Variants in REV1 observed in about 807,000 individuals in gnomAD.
The protein encoded by REV1 is translesion synthesis protein REV1.
REV1 carries 42 observed loss-of-function variants against 137.4 expected under a neutral mutation model. The observed-to-expected ratio is 0.31, with a 90% CI of 0.24 to 0.40. REV1 has a LOEUF of 0.40. Among genes scored for constraint, REV1 ranks in the 10% least tolerant of loss-of-function variants. The pLI is 1.00. For synonymous variants in REV1, 524 were observed against 519.2 expected, an observed-to-expected ratio of 1.01 and a Z score of -0.12; for missense variants, 1,282 against 1,490.1, an observed-to-expected ratio of 0.86 and a Z score of 2.30.
intron 1 of REV1, among the ~76,000 whole-genome samples, chr2:99,489,552 C>T (rs1003545496): frequency 2.3e-4 from 34 of 148,242 alleles, no homozygotes; most frequent in Non-Finnish European, 3.8e-4. Flanking sequence ...GGCGCGGGGC[C>T]GGCCGCGCCA....
At chr2:99,429,282 T>C (rs1679804505) in intron 9 of REV1, among the ~76,000 whole-genome samples, 1 of 152,176 alleles carries the variant, frequency 6.6e-6, no homozygotes, top group Admixed American at 6.5e-5. Context: ...CAGCCAATTA[T>C]AATTATGGTT....
chr2:99,420,636 T>G (rs1678534380), intron 11 of REV1, among the ~76,000 whole-genome samples: 1 of 152,234 alleles, frequency 6.6e-6, no homozygotes, highest in Admixed American at 6.5e-5. Context: ...AGTAACAAAT[T>G]CTTCTTTCAA....
chr2:99,452,734 T>C (rs1196387514), intron 3 of REV1, among the ~76,000 whole-genome samples: 4 of 152,222 alleles, frequency 2.6e-5, no homozygotes, highest in Admixed American at 2.0e-4. Flanking sequence ...ACATCCTCAA[T>C]GCATCCCAGA....
intron 9 of REV1, among the ~76,000 whole-genome samples, chr2:99,426,478 T>A (rs540942410): frequency 6.6e-6 from 1 of 152,174 alleles, no homozygotes; most frequent in African/African-American, 2.4e-5. Context: ...ATATAGTACA[T>A]CTACTTATGT....
chr2:99,421,029 A>G (rs1678588331), intron 11 of REV1, among the ~76,000 whole-genome samples: 1 of 152,212 alleles, frequency 6.6e-6, no homozygotes, highest in South Asian at 2.1e-4. Flanking sequence ...GTTTAAAGAC[A>G]GCATGGATGG....
chr2:99,406,112 A>G lies in REV1; in HGVS notation c.2615-6T>C. 6.2e-7 allele frequency: 1 copy of G among 1,605,618 alleles called. No individual in the cohort carries two copies. On this transcript the variant is annotated splice_region_variant and splice_polypyrimidine_tract_variant and intron_variant, in intron 16 of 22. Coordinates refer to ENST00000258428, the MANE Select transcript of REV1 (RefSeq NM_016316.4). The stretch of plus-strand genomic sequence containing the variant: ...ATCCACAGCAGCCCGAAATACTACA[A>G]AAAGAAAATATATAAAATAGCCTCT...
rs1675641073 is a variant in REV1 at position 99,402,664 on chromosome 2, T to G, written c.3521A>C (p.Glu1174Ala). 2 of 1,613,880 alleles carry G rather than the reference T, an allele frequency of 1.2e-6. No homozygotes were observed. Residue 1174 changes from glutamate (E) to alanine (A), a missense_variant, in exon 21 of 23, where the codon GAA becomes GCA. Glu to Ala is a moderately radical substitution (Grantham distance 107). This residue lies in a region of REV1 where 170 missense variants were observed against 156.8 expected (regional missense o/e 1.08). Coordinates refer to ENST00000258428, the MANE Select transcript of REV1 (RefSeq NM_016316.4). ...EFNDVKTLLR[E>A]WITTISDPME... ...CCAACCTGAAATTGTAGTTATCCAT[T>G]CTCTGAGCAAGGTCTTCACATCATT...
At chr2:99,468,858 A>G (rs1345307744) in intron 1 of REV1, among the ~76,000 whole-genome samples, 1 of 152,128 alleles carries the variant, frequency 6.6e-6, no homozygotes, top group Non-Finnish European at 1.5e-5. Context: ...CAGTCTACAG[A>G]GTGAAAATCG....
chr2:99,407,689 T>G (rs912919554), intron 15 of REV1, among the ~76,000 whole-genome samples: 12 of 152,150 alleles, frequency 7.9e-5, no homozygotes, highest in African/African-American at 2.9e-4. Flanking sequence ...TGTTTCTGAT[T>G]AAAAAGGAAC....
chr2:99,418,370 C>G (rs1008798469), intron 12 of REV1, among the ~76,000 whole-genome samples: 1 of 152,148 alleles, frequency 6.6e-6, no homozygotes, highest in Admixed American at 6.5e-5. Flanking sequence ...TTTCCTAATA[C>G]AGCTCACACA....
chr2:99,403,839 G>C, intron 18 of REV1, 24 bp from the exon 19 acceptor site: 2 of 1,612,826 alleles, frequency 1.2e-6, no homozygotes, highest in South Asian at 1.1e-5. Context: ...CGAGGTCAAA[G>C]TCAAACCTGA....
In REV1 at chr2:99,401,201, TGGC is replaced by T; in HGVS notation, c.*37_*39del. The T allele has an allele frequency of 4.8e-6, 6 of 1,259,698 alleles. No homozygotes were observed. The highest frequency in any genetic ancestry group is 7.0e-6 in the Non-Finnish European group (6 of 858,822). The allele number at this position is 1,259,698 out of a possible 1,614,324, so 78.0% of individuals were successfully genotyped here. A position where few individuals can be genotyped will look rare whatever the true frequency, so the allele number is the denominator to read the frequency against. The stretch of plus-strand genomic sequence containing the variant: ...TTTGCAAATACCTCACAAGCACTTA[TGGC>T]ACAGCTATCAGAGAGCATCAGGCTC... On this transcript the variant is annotated 3_prime_UTR_variant, in exon 23 of 23. Coordinates refer to ENST00000258428, the MANE Select transcript of REV1 (RefSeq NM_016316.4).
chr2:99,442,178 G>C, intron 5 of REV1, 139 bp downstream of exon 5: 1 of 702,450 alleles, frequency 1.4e-6, no homozygotes, highest in East Asian at 3.0e-5. Context: ...CTTGAACCTG[G>C]GAGGCAGAGG....
rs372495457 is a variant in REV1 at position 99,455,185 on chromosome 2, AAAG to A, written c.182-5684_182-5682del. 1.4e-4 allele frequency among the ~76,000 whole-genome samples: 21 copies of A among 152,384 alleles called. No homozygotes were observed. The South Asian group carries it at 3.7e-3, about 27-fold the overall frequency. ...GTTGACTGTGCTATATAAATCACAG[AAAG>A]AAGTGAGGTGAATGGCTGCTTATAC... On this transcript the variant is annotated intron_variant, in intron 3 of 22. Transcript: ENST00000258428.
chr2:99,462,825 C>T (rs536062255), intron 2 of REV1: 9 of 459,254 alleles, frequency 2.0e-5, no homozygotes, highest in Non-Finnish European at 2.6e-5. Flanking sequence ...CAGTGGCTCA[C>T]ACCTGTAATC....
chr2:99,421,832 T>C (rs1303940644), intron 10 of REV1, among the ~76,000 whole-genome samples, 179 bp from the exon 11 acceptor site: 3 of 152,238 alleles, frequency 2.0e-5, no homozygotes, highest in Non-Finnish European at 4.4e-5. Flanking sequence ...AATTAGTGTG[T>C]TCTCTTTCTC....
At chr2:99,472,919 T>C (rs945971195) in intron 1 of REV1, among the ~76,000 whole-genome samples, 1 of 152,236 alleles carries the variant, frequency 6.6e-6, no homozygotes, top group Admixed American at 6.5e-5. Context: ...TACAGCTGTT[T>C]GTGGGTTTTG....
chr2:99,435,257 C>CT (rs1680593582), intron 7 of REV1, among the ~76,000 whole-genome samples: 1 of 152,156 alleles, frequency 6.6e-6, no homozygotes, highest in African/African-American at 2.4e-5. Context: ...GAAGAAAACA[C>CT]TAAGTTATCT....
intron 22 of REV1, 24 bp downstream of exon 22, chr2:99,402,220 T>C: frequency 9.9e-7 from 1 of 1,012,476 alleles, no homozygotes. Flanking sequence ...TTTTTCCCAT[T>C]TGATAAAAGT....
Sources: allele counts gnomAD v4.1 joint callset (sites outside exome capture counted in the v4.1 genomes callset), GRCh38; gene constraint gnomAD v4.1.1; regional missense constraint gnomAD v4.1.1; transcripts MANE v1.5; gene names NCBI Gene and HGNC (gene_info 2026-07-23, HGNC 2026-07-21).